Variants in TAF1 observed in about 807,000 individuals in gnomAD.
TAF1 encodes the protein transcription initiation factor TFIID subunit 1.
In TAF1, 2 loss-of-function variants were observed where a neutral mutation model predicts 138.5. That is an observed-to-expected ratio of 0.01 (90% CI 0.01 to 0.05). The LOEUF (loss-of-function observed/expected upper bound fraction) is 0.05. Ranked by LOEUF, TAF1 falls within the 10% of genes least tolerant of loss-of-function variation. TAF1 has a pLI of 1.00. For synonymous variants in TAF1, 437 were observed against 503.2 expected (o/e 0.87, Z 1.76); for missense variants, 709 against 1,478.0 (o/e 0.48, Z 8.53).
intron 25 of TAF1, 61 bp from the exon 26 acceptor site, chrX:71,406,576 CT>C: frequency 1.1e-5 from 12 of 1,088,486 alleles, no homozygotes; most frequent in East Asian, 3.1e-5. Context: ...ATTATAGTTG[CT>C]TTTTTTCCCC....
At chrX:71,460,098 A>G (rs769169103) in intron 36 of TAF1, among the ~76,000 whole-genome samples, 72 of 111,695 alleles carry the variant, frequency 6.4e-4, no homozygotes, top group Non-Finnish European at 1.1e-3. Flanking sequence ...AATAAAAATT[A>G]GCTGGGTGTG....
intron 13 of TAF1, among the ~76,000 whole-genome samples, chrX:71,478,348 C>T (rs2039015061): frequency 9.0e-6 from 1 of 110,517 alleles, no homozygotes; most frequent in Admixed American, 9.8e-5. Context: ...GAGTGAACCC[C>T]CTTCTCAAAA....
intron 13 of TAF1, among the ~76,000 whole-genome samples, chrX:71,508,086 C>CTCTCTCTCTATATATATA (rs4040068): frequency 3.1e-4 from 29 of 92,173 alleles, no homozygotes; most frequent in African/African-American, 1.0e-3. Context: ...CTCTCTCTCT[C>CTCTCTCTCTATATATATA]TATATATATA....
chrX:71,426,831 CT>C (rs2148628835), intron 32 of TAF1, among the ~76,000 whole-genome samples: 2 of 111,471 alleles, frequency 1.8e-5, no homozygotes, highest in East Asian at 5.6e-4. Flanking sequence ...GTGTGCTATA[CT>C]TGAGTTTGTA....
chrX:71,405,563 C>G (rs935334548), intron 25 of TAF1, among the ~76,000 whole-genome samples: 2 of 112,082 alleles, frequency 1.8e-5, no homozygotes, highest in African/African-American at 6.5e-5. Context: ...GTTGGTCAGG[C>G]TGGTCTCGAA....
intron 8 of TAF1, among the ~76,000 whole-genome samples, chrX:71,380,040 TA>T (rs1320015613): frequency 9.0e-6 from 1 of 111,021 alleles, no homozygotes; most frequent in Non-Finnish European, 1.9e-5. Context: ...ATGATTAATG[TA>T]AAAAACTTTG....
downstream of TAF1, among the ~76,000 whole-genome samples, chrX:71,466,787 C>T (rs2038770117): frequency 8.9e-6 from 1 of 112,071 alleles, no homozygotes; most frequent in Admixed American, 9.6e-5. Flanking sequence ...AGCCACTGTG[C>T]CTGGCCAAGC....
At chrX:71,411,596 T>A (rs908965261) in intron 28 of TAF1, among the ~76,000 whole-genome samples, 9 of 112,854 alleles carry the variant, frequency 8.0e-5, no homozygotes, top group Non-Finnish European at 1.5e-4. Context: ...ACTTACTGTT[T>A]ATGCCTCACA....
intron 29 of TAF1, among the ~76,000 whole-genome samples, chrX:71,422,551 C>T (rs2036404647): frequency 9.7e-6 from 1 of 103,442 alleles, no homozygotes; most frequent in Non-Finnish European, 2.0e-5. Flanking sequence ...GTCTCGAGTT[C>T]CTGGCCTCAT....
intron 18 of TAF1, among the ~76,000 whole-genome samples, chrX:71,392,129 A>G (rs935553275): frequency 4.5e-5 from 5 of 112,067 alleles, no homozygotes; most frequent in African/African-American, 1.6e-4. Flanking sequence ...AAGCATGTCA[A>G]GTATTTCGAG....
At chrX:71,456,959 C>T (rs1213248681) in intron 34 of TAF1, among the ~76,000 whole-genome samples, 1 of 111,047 alleles carries the variant, frequency 9.0e-6, no homozygotes, top group Non-Finnish European at 1.9e-5. Flanking sequence ...TGAGCCACCG[C>T]GCCCGGCCCA....
At chrX:71,448,911 T>C (rs1254409427) in intron 32 of TAF1, among the ~76,000 whole-genome samples, 1 of 103,651 alleles carries the variant, frequency 9.6e-6, no homozygotes, top group Non-Finnish European at 2.0e-5. Flanking sequence ...CTCTGCCTCC[T>C]GGGTTCAAGT....
At chrX:71,442,290 A>G (rs146997079) in intron 32 of TAF1, among the ~76,000 whole-genome samples, 1,584 of 112,198 alleles carry the variant, frequency 0.014, 10 homozygotes, top group African/African-American at 0.036. Flanking sequence ...CAACAGTGTA[A>G]AAGTGTTCCT....
rs1437472230 is a variant in TAF1, at chrX:71,368,167, T to C, written c.349T>C (p.Ser117Pro). The C allele has an allele frequency of 2.5e-6, 3 of 1,209,699 alleles. No homozygotes were observed. Among genetic ancestry groups the C allele is most frequent in the Middle Eastern group, 2.3e-4 (1 of 4,348 alleles). The change falls in exon 3 of 38, where the codon TCA becomes CCA. Residue 117 changes from serine to proline, a missense_variant. Coordinates refer to ENST00000423759, the MANE Select transcript of TAF1 (RefSeq NM_004606.5). ...GGGGAGCTTGCAGCCCCTTTGCCAC[T>C]CAGGTGATTCTTTGGTGTATTGGCT... ...TMGSLQPLCH[S>P]DYDEDDYDAD... is the part of the protein sequence containing the mutation.
chrX:71,459,477 G>C (rs1172260981), intron 35 of TAF1, 75 bp from the exon 36 acceptor site: 20 of 1,157,007 alleles, frequency 1.7e-5, no homozygotes, highest in Non-Finnish European at 2.3e-5. Context: ...GGGAGGGGGG[G>C]TGTGCCTGGT....
At chrX:71,397,754 A>T (rs997944717) in intron 23 of TAF1, among the ~76,000 whole-genome samples, 1 of 110,814 alleles carries the variant, frequency 9.0e-6, no homozygotes, top group Non-Finnish European at 1.9e-5. Context: ...AAGTGCTGGG[A>T]TTACAGGCAT....
chrX:71,456,319 C>A (rs902940518), intron 34 of TAF1, among the ~76,000 whole-genome samples: 1 of 112,052 alleles, frequency 8.9e-6, no homozygotes, highest in Non-Finnish European at 1.9e-5. Context: ...CTATTTCTCT[C>A]TTGAGCATTA....
Position 71,528,471 on chromosome X carries a change from GTAA to G in TAF1, c.1367-69_1367-67del, listed in dbSNP as rs757502830. On this transcript the variant is annotated intron_variant and NMD_transcript_variant, in intron 13 of 14. Transcript: ENST00000373775. ...TCCTTTAGATTCTGTATTGGAGGTA[GTAA>G]TGATGAAAGTGTCTTCAGGAATGTC... The G allele has an allele frequency of 1.4e-5, 4 of 287,723 alleles. No individual in the cohort carries two copies. The Admixed American group carries it at 1.5e-4, about 11-fold the overall frequency. 23.7% of individuals were successfully genotyped at this position (287,723 alleles called of 1,213,427 possible).
chrX:71,435,409 T>C (rs2037090457), intron 32 of TAF1, among the ~76,000 whole-genome samples: 1 of 111,840 alleles, frequency 8.9e-6, no homozygotes, highest in South Asian at 3.7e-4. Context: ...CTTGCAGATC[T>C]TGTTATTTTT....
Sources: allele counts gnomAD v4.1 joint callset (sites outside exome capture counted in the v4.1 genomes callset), GRCh38; gene constraint gnomAD v4.1.1; transcripts MANE v1.5; gene names NCBI Gene and HGNC (gene_info 2026-07-23, HGNC 2026-07-21).